The following CLCNKB variants were observed in gnomAD, a reference collection of about 807,000 sequenced individuals.
The protein encoded by CLCNKB is chloride channel protein ClC-Kb.
Under a neutral mutation model 83.8 loss-of-function variants are expected in CLCNKB, and 74 were observed. That is an observed-to-expected ratio of 0.88 (90% CI 0.73 to 1.07). CLCNKB has a LOEUF of 1.07. CLCNKB is among the 50% of genes least tolerant of loss of function. The pLI is 0.00. For synonymous variants in CLCNKB, 358 were observed against 356.6 expected (o/e 1.00, Z -0.04); for missense variants, 798 against 893.6 (o/e 0.89, Z 1.36).
intron 7 of CLCNKB, 29 bp from the exon 8 acceptor site, chr1:16,049,091 G>C: frequency 6.2e-7 from 1 of 1,613,550 alleles, no homozygotes; most frequent in Non-Finnish European, 8.5e-7. Context: ...GGGGGTGGAG[G>C]GCCCACCTGA....
At chr1:16,045,525 C>A in intron 2 of CLCNKB, 33 bp from the exon 3 acceptor site, 1 of 1,610,756 alleles carries the variant, frequency 6.2e-7, no homozygotes, top group Non-Finnish European at 8.5e-7. Context: ...CCTCCTGCCC[C>A]ACCCTGTGCC....
In CLCNKB at chr1:16,050,867, C is replaced by G; in HGVS notation, c.1054-8C>G. ...CCTCATGTCCAGTTCCCACCTGCCC[C>G]GCCACAGCTGTCCATGAAGCAGCAT... On this transcript the variant is annotated splice_polypyrimidine_tract_variant and splice_region_variant and intron_variant, in intron 11 of 19. Coordinates refer to ENST00000375679, the MANE Select transcript of CLCNKB (RefSeq NM_000085.5). 6.2e-7 allele frequency: 1 copy of G among 1,611,626 alleles called. No homozygotes were observed. The highest frequency in any genetic ancestry group is 1.1e-5 in the South Asian group (1 of 90,992).
At chr1:16,051,104 G>C (rs2023276544) in intron 12 of CLCNKB, 56 bp downstream of exon 12, 1 of 1,577,504 alleles carries the variant, frequency 6.3e-7, no homozygotes, top group African/African-American at 1.6e-5. Flanking sequence ...TGGTGGTGGT[G>C]GGGGGTACCT....
intron 11 of CLCNKB, 94 bp downstream of exon 11, chr1:16,050,694 G>A (rs1455551928): frequency 4.0e-6 from 6 of 1,497,184 alleles, no homozygotes; most frequent in Middle Eastern, 1.7e-4. Context: ...TACCCCATAA[G>A]GGAGATGCCT....
rs759045664 is a variant in CLCNKB at position 16,044,544 on chromosome 1, C to T, written c.52C>T (p.Leu18=). Residue 18 remains leucine (L), a synonymous_variant, in exon 2 of 20, where the codon CTG becomes TTG. Transcript: ENST00000375679. The stretch of plus-strand genomic sequence containing the variant: ...AGGCTCCTCAGGGAACCCTGTGACT[C>T]TGCAGGAGCTGTGGGGCCCCTGTCC... ...REGSSGNPVT[L]QELWGPCPRI... 46 of 1,606,776 alleles carry T rather than the reference C, an allele frequency of 2.9e-5. No homozygotes were observed. Among genetic ancestry groups the T allele is most frequent in the Admixed American group, 8.5e-5 (5 of 58,800 alleles).
At chr1:16,049,995 T>G in intron 10 of CLCNKB, 79 bp downstream of exon 10, 215 of 948,548 alleles carry the variant, frequency 2.3e-4, no homozygotes, top group Middle Eastern at 4.4e-4. Flanking sequence ...TAGAAAGCTC[T>G]ACCCGCCACC....
chr1:16,045,406 A>T, intron 2 of CLCNKB, 152 bp from the exon 3 acceptor site: 1 of 868,086 alleles, frequency 1.2e-6, no homozygotes, highest in Non-Finnish European at 1.8e-6. Context: ...CACTTATGTG[A>T]GGCAGGGCCC....
In CLCNKB at chr1:16,050,525, G is replaced by T; in HGVS notation, c.978G>T (p.Val326=). The change falls in exon 11 of 20, where the codon GTG becomes GTT. Residue 326 remains valine (V), a synonymous_variant. Coordinates refer to ENST00000375679, the MANE Select transcript of CLCNKB (RefSeq NM_000085.5). ...CACCCATCCCCCACAGCAAGCCTGT[G>T]TACTCCGCTCTGGCCACCTTGGTTC... ...SSKLLATSKP[V]YSALATLVLA... is the part of the protein sequence containing the mutation. 6.2e-7 allele frequency: 1 copy of T among 1,614,024 alleles called. No individual in the cohort carries two copies. The highest frequency in any genetic ancestry group is 8.5e-7 in the Non-Finnish European group (1 of 1,179,990).
Position 16,053,718 on chromosome 1 carries a change from G to C in CLCNKB, c.1702G>C (p.Val568Leu). The C allele has an allele frequency of 6.2e-7, 1 of 1,613,940 alleles. No homozygotes were observed. Among genetic ancestry groups the C allele is most frequent in the East Asian group, 2.2e-5 (1 of 44,868 alleles). The stretch of plus-strand genomic sequence containing the variant: ...CAAGGACATGCCACTGGAGGAGGTG[G>C]TCAAGGTTGTGACCTCCACAGACGT... ...LAKDMPLEEVVKVVTSTDVAK... is the reference protein window; with the variant it reads ...LAKDMPLEEVLKVVTSTDVAK... Residue 568 changes from valine (V) to leucine (L), a missense_variant, in exon 16 of 20, where the codon GTC becomes CTC. By Grantham distance (32) the Val-to-Leu change is conservative. Coordinates refer to ENST00000375679, the MANE Select transcript of CLCNKB (RefSeq NM_000085.5).
At chr1:16,055,640 C>T (rs753814163) in intron 17 of CLCNKB, 35 bp from the exon 18 acceptor site, 1 of 1,609,682 alleles carries the variant, frequency 6.2e-7, no homozygotes, top group Admixed American at 1.7e-5. Flanking sequence ...CCTGGGGAGG[C>T]CAGCCCTGCA....
chr1:16,048,199 C>T lies in CLCNKB; in HGVS notation c.499-144C>T, dbSNP rs573572764. The T allele has an allele frequency of 3.8e-5, 54 of 1,435,832 alleles. No individual in the cohort carries two copies. The East Asian group carries it at 1.1e-3, about 29-fold the overall frequency. 88.9% of individuals were successfully genotyped at this position (1,435,832 alleles called of 1,614,324 possible). A position where few individuals can be genotyped will look rare whatever the true frequency, so the allele number is the denominator to read the frequency against. On this transcript the variant is annotated intron_variant, in intron 5 of 19. Transcript: ENST00000375679. Reference sequence around the variant, plus strand: ...TGGGGGAAGAGGCAGGCCAGGTCCCCGGAGTGTGACAAAAGCCATCTGAGG... The same window carrying T: ...TGGGGGAAGAGGCAGGCCAGGTCCCTGGAGTGTGACAAAAGCCATCTGAGG...
chr1:16,051,862 G>C (rs528180292), intron 14 of CLCNKB, 42 bp downstream of exon 14: 3 of 1,525,026 alleles, frequency 2.0e-6, no homozygotes, highest in East Asian at 2.3e-5. Context: ...ATGTCGTGCG[G>C]CTGGGCTGGA....
Position 16,049,987 on chromosome 1 carries a change from G to C in CLCNKB, c.968+71G>C, listed in dbSNP as rs2023236232. 2.7e-6 allele frequency: 3 copies of C among 1,103,572 alleles called. No individual in the cohort carries two copies. The East Asian group carries it at 7.9e-5, about 29-fold the overall frequency. The allele number at this position is 1,103,572 out of a possible 1,614,324, so 68.4% of individuals were successfully genotyped here. ...CTCACCGTACTCCCAACCTTATGTA[G>C]AAAGCTCTACCCGCCACCTGAGCCC... is the stretch of plus-strand genomic sequence containing the variant. On this transcript the variant is annotated intron_variant, in intron 10 of 19. Transcript: ENST00000375679.
At position 16,048,366 on chromosome 1, in the gene CLCNKB, G is replaced by A. The variant is rs776303565; in HGVS notation, c.522G>A (p.Val174=). ...AGGGCCCTTTCGTGCACCTGTCTGTGATGATGGCTGCCTACCTGGGCCGTG... is the reference window on the plus strand; with the variant it reads ...AGGGCCCTTTCGTGCACCTGTCTGTAATGATGGCTGCCTACCTGGGCCGTG... ...GKVGPFVHLS[V]MMAAYLGRVR... The change falls in exon 6 of 20, where the codon GTG becomes GTA. Residue 174 remains valine (V), a synonymous_variant. Transcript: ENST00000375679. 6.8e-6 allele frequency: 11 copies of A among 1,614,066 alleles called. No homozygotes were observed. Among genetic ancestry groups the A allele is most frequent in the Admixed American group, 5.0e-5 (3 of 60,028 alleles).
At chr1:16,052,153 G>A in intron 14 of CLCNKB, 45 bp from the exon 15 acceptor site, 2 of 1,610,190 alleles carry the variant, frequency 1.2e-6, no homozygotes, top group Non-Finnish European at 1.7e-6. Flanking sequence ...CTAACATGAG[G>A]CTGGCCCCTG....
chr1:16,045,631 G>T lies in CLCNKB; in HGVS notation c.174G>T (p.Val58=). 1 of 1,614,104 alleles carries T rather than the reference G, an allele frequency of 6.2e-7. No individual in the cohort carries two copies. The change falls in exon 3 of 20, where the codon GTG becomes GTT. Residue 58 remains valine (V), a synonymous_variant. Transcript: ENST00000375679. Reference sequence around the variant, plus strand: ...GGTACTTCCTGATGACCCTCGGGGTGCTCATGGCCCTGGTCAGCTGTGCCA... The same window carrying T: ...GGTACTTCCTGATGACCCTCGGGGTTCTCATGGCCCTGGTCAGCTGTGCCA... ...EDWYFLMTLG[V]LMALVSCAMD... is the part of the protein sequence containing the mutation.
chr1:16,051,610 G>A, intron 13 of CLCNKB, 63 bp downstream of exon 13: 1 of 1,608,250 alleles, frequency 6.2e-7, no homozygotes, highest in Non-Finnish European at 8.5e-7. Flanking sequence ...CATGGCTCCT[G>A]GTTCACCCTC....
At chr1:16,048,955 C>T in intron 7 of CLCNKB, 165 bp from the exon 8 acceptor site, 1 of 1,507,204 alleles carries the variant, frequency 6.6e-7, no homozygotes, top group Non-Finnish European at 8.8e-7. Flanking sequence ...CAGCGGGCTC[C>T]TCCCCGCCCA....
At position 16,049,910 on chromosome 1, in the gene CLCNKB, C is replaced by T. The variant is rs1399039201; in HGVS notation, c.962C>T (p.Ala321Val). ...AATAGGTTCAGCTCCAAACTGCTGGCCACCAGGTAGGCTCCGGGCTAAGGG... is the reference window on the plus strand; with the variant it reads ...AATAGGTTCAGCTCCAAACTGCTGGTCACCAGGTAGGCTCCGGGCTAAGGG... ...RNNRFSSKLLATSKPVYSALA... is the reference protein window; with the variant it reads ...RNNRFSSKLLVTSKPVYSALA... Residue 321 changes from alanine to valine, a missense_variant, in exon 10 of 20, where the codon GCC becomes GTC. Coordinates refer to ENST00000375679, the MANE Select transcript of CLCNKB (RefSeq NM_000085.5). The T allele has an allele frequency of 1.2e-6, 2 of 1,608,724 alleles. No homozygotes were observed. The highest frequency in any genetic ancestry group is 8.5e-7 in the Non-Finnish European group (1 of 1,177,594).
Sources: allele counts gnomAD v4.1 joint callset, GRCh38; gene constraint gnomAD v4.1.1; transcripts MANE v1.5; gene names NCBI Gene and HGNC (gene_info 2026-07-23, HGNC 2026-07-21).